Variants in DOCK1 observed in about 807,000 individuals in gnomAD.
DOCK1 encodes the protein dedicator of cytokinesis 1.
A neutral mutation model predicts 262.7 loss-of-function variants in DOCK1; 138 were observed. The ratio of observed to expected loss-of-function variants is 0.53; its 90% CI spans 0.46 to 0.61. The LOEUF (loss-of-function observed/expected upper bound fraction) is 0.61. Among genes scored for constraint, DOCK1 ranks in the 20% least tolerant of loss-of-function variants. The pLI is 0.00. For synonymous variants in DOCK1, 866 were observed against 867.4 expected, an observed-to-expected ratio of 1.00 and a Z score of 0.03; for missense variants, 1,908 against 2,370.7, an observed-to-expected ratio of 0.80 and a Z score of 4.05.
chr10:127,296,174 TG>T (rs1217241640), intron 29 of DOCK1, among the ~76,000 whole-genome samples: 1 of 152,242 alleles, frequency 6.6e-6, no homozygotes, highest in Non-Finnish European at 1.5e-5. Context: ...TCTCTATACC[TG>T]ACTGTGCCGC....
intron 27 of DOCK1, among the ~76,000 whole-genome samples, chr10:127,209,960 GT>G (rs1372927721): frequency 1.3e-5 from 2 of 152,158 alleles, no homozygotes; most frequent in East Asian, 3.9e-4. Context: ...GCAGGAGTTG[GT>G]AAGTCCCGTG....
chr10:127,165,039 A>G (rs994168017), intron 27 of DOCK1, among the ~76,000 whole-genome samples: 4 of 152,240 alleles, frequency 2.6e-5, no homozygotes, highest in African/African-American at 7.2e-5. Flanking sequence ...GGCACTGGCT[A>G]TCAAACTAGA....
chr10:127,084,016 C>T (rs1411574486), intron 23 of DOCK1, among the ~76,000 whole-genome samples: 3 of 152,174 alleles, frequency 2.0e-5, no homozygotes, highest in Non-Finnish European at 4.4e-5. Flanking sequence ...TGTAATGGGT[C>T]TAAATCCTTC....
intron 35 of DOCK1, among the ~76,000 whole-genome samples, chr10:127,379,721 A>T (rs1216384119): frequency 2.0e-5 from 3 of 152,122 alleles, no homozygotes; most frequent in Non-Finnish European, 1.5e-5. Context: ...CAAATTTGGG[A>T]TATTTATTTA....
At chr10:126,953,135 G>T (rs2036455141) in intron 1 of DOCK1, among the ~76,000 whole-genome samples, 1 of 151,668 alleles carries the variant, frequency 6.6e-6, no homozygotes, top group Non-Finnish European at 1.5e-5. Context: ...TGGAAGTATT[G>T]GTAGTAATTT....
At chr10:127,249,442 C>T (rs1413982995) in intron 28 of DOCK1, among the ~76,000 whole-genome samples, 3 of 149,684 alleles carry the variant, frequency 2.0e-5, no homozygotes, top group Admixed American at 1.3e-4. Context: ...TACACACACA[C>T]ACACACACAC....
rs192278503 is a variant in DOCK1, at chr10:127,110,126, G to A, written c.2517-122G>A. Reference sequence around the variant, plus strand: ...TTATTGACCCCATAGTGCATGAGAGGCTGTGTTGAACATACTGGTGACATT... The same window carrying A: ...TTATTGACCCCATAGTGCATGAGAGACTGTGTTGAACATACTGGTGACATT... On this transcript the variant is annotated intron_variant, in intron 24 of 51. Transcript: ENST00000623213. The A allele has an allele frequency of 2.5e-4, 192 of 754,124 alleles. No individual in the cohort carries two copies. The African/African-American group carries it at 2.9e-3, about 11-fold the overall frequency. The allele number at this position is 754,124 out of a possible 1,614,324, so 46.7% of individuals were successfully genotyped here. A position where few individuals can be genotyped will look rare whatever the true frequency, so the allele number is the denominator to read the frequency against.
chr10:127,182,784 C>T (rs999879518), intron 27 of DOCK1, among the ~76,000 whole-genome samples: 1 of 152,074 alleles, frequency 6.6e-6, no homozygotes, highest in African/African-American at 2.4e-5. Flanking sequence ...CCCTGTTTCC[C>T]ATCATCATGA....
intron 23 of DOCK1, among the ~76,000 whole-genome samples, chr10:127,091,088 T>G (rs79776004): frequency 0.011 from 1,596 of 151,868 alleles, 54 homozygotes; most frequent in East Asian, 0.072. Flanking sequence ...TTCACACCAT[T>G]CTCCTGCCTC....
chr10:127,097,113 G>GA lies in DOCK1; in HGVS notation c.2446-9108dup, dbSNP rs201021318. Among the ~76,000 whole-genome samples the GA allele has an allele frequency of 5.8e-3, 867 of 149,764 alleles. 10 individuals carry two copies. The highest frequency in any genetic ancestry group is 0.02 in the African/African-American group (820 of 40,878). ...GAGTGAGACTCTATCTCAGAAAGGA[G>GA]AAAAAAAAAATTATTTTATTTCTTT... On this transcript the variant is annotated intron_variant, in intron 23 of 51. Transcript: ENST00000623213.
intron 29 of DOCK1, among the ~76,000 whole-genome samples, chr10:127,272,912 A>C (rs920174579): frequency 6.6e-6 from 1 of 152,180 alleles, no homozygotes; most frequent in Non-Finnish European, 1.5e-5. Context: ...ACAGCACGAA[A>C]GACCTGCCCC....
chr10:127,061,087 G>T (rs956445756), intron 22 of DOCK1, among the ~76,000 whole-genome samples: 20 of 152,120 alleles, frequency 1.3e-4, no homozygotes, highest in Admixed American at 9.2e-4. Flanking sequence ...AATTAGCTGG[G>T]CATGGTGGTG....
intron 12 of DOCK1, among the ~76,000 whole-genome samples, chr10:127,016,808 CACAA>C (rs991034521): frequency 6.8e-5 from 10 of 148,044 alleles, no homozygotes; most frequent in African/African-American, 2.3e-4. Flanking sequence ...ATACAGACAC[CACAA>C]ACACACACAC....
rs1591040662 is a variant in DOCK1 at position 127,433,205 on chromosome 10, G to T, written c.4915-78G>T. 18 of 1,577,470 alleles carry T rather than the reference G, an allele frequency of 1.1e-5. No individual in the cohort carries two copies. In the East Asian group the frequency reaches 3.1e-4, roughly 28 times the overall value. Reference sequence around the variant, plus strand: ...ATGGTCTCGATTCCACACAGCTAAGGCCACTTTATCTCAGGAGTCTGACCA... The same window carrying T: ...ATGGTCTCGATTCCACACAGCTAAGTCCACTTTATCTCAGGAGTCTGACCA... On this transcript the variant is annotated intron_variant, in intron 47 of 51. Transcript: ENST00000623213.
chr10:127,061,583 G>T (rs1362336364), intron 22 of DOCK1, 85 bp from the exon 23 acceptor site: 1 of 1,135,780 alleles, frequency 8.8e-7, no homozygotes. Context: ...TCACCCAAGT[G>T]ATTCCCTTCA....
intron 7 of DOCK1, among the ~76,000 whole-genome samples, chr10:126,997,126 A>G (rs2040257496): frequency 6.6e-6 from 1 of 152,108 alleles, no homozygotes; most frequent in Non-Finnish European, 1.5e-5. Context: ...AATGATGTTG[A>G]TTTTGTGTTC....
At chr10:127,108,243 CAG>C (rs1286557213) in intron 24 of DOCK1, among the ~76,000 whole-genome samples, 2 of 152,174 alleles carry the variant, frequency 1.3e-5, no homozygotes, top group Non-Finnish European at 2.9e-5. Flanking sequence ...CCAAAAGAAT[CAG>C]AAAGTGCTGG....
At chr10:126,930,700 A>G (rs1368165370) in intron 1 of DOCK1, among the ~76,000 whole-genome samples, 1 of 152,232 alleles carries the variant, frequency 6.6e-6, no homozygotes, top group Non-Finnish European at 1.5e-5. Flanking sequence ...GTCCAGGCCA[A>G]GGCAAGGTTT....
chr10:127,415,590 T>A (rs1485202730), intron 44 of DOCK1, among the ~76,000 whole-genome samples: 2 of 152,248 alleles, frequency 1.3e-5, no homozygotes, highest in African/African-American at 2.4e-5. Context: ...CTACATAAAC[T>A]TTTTTAAAGA....
Sources: gnomAD v4.1 joint callset for allele counts (sites outside exome capture counted in the v4.1 genomes callset) on GRCh38, gnomAD v4.1.1 for gene constraint, MANE v1.5 for transcripts, NCBI Gene and HGNC (gene_info 2026-07-23, HGNC 2026-07-21) for gene names.